Variants in FH observed in about 807,000 individuals in gnomAD.
FH encodes the protein fumarate hydratase, mitochondrial.
A neutral mutation model predicts 49.4 loss-of-function variants in FH; 22 were observed. The observed-to-expected ratio is 0.45, with a 90% CI of 0.32 to 0.64. The LOEUF (loss-of-function observed/expected upper bound fraction) is 0.64. Among genes scored for constraint, FH ranks in the 30% least tolerant of loss-of-function variants. FH has a pLI of 0.05. For missense variants in FH, 526 were observed against 641.5 expected (o/e 0.82, Z 1.95); for synonymous variants, 208 against 223.0 (o/e 0.93, Z 0.60).
intron 6 of FH, among the ~76,000 whole-genome samples, chr1:241,504,632 G>A (rs114103037): frequency 0.016 from 2,486 of 152,140 alleles, 34 homozygotes; most frequent in Non-Finnish European, 0.028. Flanking sequence ...AGTAGAGATG[G>A]GGTTTCGCCA....
At chr1:241,512,451 G>T (rs947036075) in intron 3 of FH, among the ~76,000 whole-genome samples, 1 of 152,132 alleles carries the variant, frequency 6.6e-6, no homozygotes, top group African/African-American at 2.4e-5. Flanking sequence ...TGCTCAGCAG[G>T]AATATCCAAC....
intron 4 of FH, among the ~76,000 whole-genome samples, chr1:241,508,989 G>A (rs1660005693): frequency 6.6e-6 from 1 of 151,200 alleles, no homozygotes; most frequent in African/African-American, 2.4e-5. Context: ...ACTCAGAACT[G>A]TATTATACAC....
At chr1:241,507,665 A>C (rs1297056402) in intron 5 of FH, among the ~76,000 whole-genome samples, 1 of 152,194 alleles carries the variant, frequency 6.6e-6, no homozygotes, top group African/African-American at 2.4e-5. Flanking sequence ...AAAGGTTAAA[A>C]TTAGAAACTT....
chr1:241,505,524 T>C (rs1659905769), intron 6 of FH, among the ~76,000 whole-genome samples: 1 of 152,188 alleles, frequency 6.6e-6, no homozygotes, highest in African/African-American at 2.4e-5. Context: ...AACTTGGCCC[T>C]AATAATAGTT....
At chr1:241,514,876 G>C (rs1660176997) in intron 2 of FH, among the ~76,000 whole-genome samples, 1 of 152,212 alleles carries the variant, frequency 6.6e-6, no homozygotes, top group Non-Finnish European at 1.5e-5. Context: ...AATCTCCACA[G>C]TAACAAACAC....
At chr1:241,501,796 G>C (rs1659787499) in intron 8 of FH, among the ~76,000 whole-genome samples, 2 of 152,182 alleles carry the variant, frequency 1.3e-5, no homozygotes. Flanking sequence ...TGAGGAAACT[G>C]ATGAGAAATG....
chr1:241,517,222 G>A lies in FH; in HGVS notation c.227C>T (p.Thr76Met), dbSNP rs778578307. 4.3e-6 allele frequency: 7 copies of A among 1,613,902 alleles called. No homozygotes were observed. Among genetic ancestry groups the A allele is most frequent in the African/African-American group, 1.3e-5 (1 of 74,852 alleles). The change falls in exon 2 of 10, where the codon ACG becomes ATG. Residue 76 changes from threonine (T) to methionine (M), a missense_variant. Physicochemically the swap from Thr to Met is moderately conservative, Grantham distance 81. Transcript: ENST00000366560. ...KYYGAQTVRS[T>M]MNFKIGGVTE... ...CACACCTCCAATCTTAAAGTTCATC[G>A]TAGATCTCACGGTCTGGGCGCCATA...
chr1:241,507,107 A>G (rs1039750608), intron 5 of FH, among the ~76,000 whole-genome samples: 1 of 152,172 alleles, frequency 6.6e-6, no homozygotes, highest in Non-Finnish European at 1.5e-5. Flanking sequence ...TGTTTCAGCC[A>G]ACGAAAGATC....
chr1:241,507,076 C>G (rs1292458678), intron 5 of FH, among the ~76,000 whole-genome samples: 1 of 152,176 alleles, frequency 6.6e-6, no homozygotes, highest in African/African-American at 2.4e-5. Context: ...CACTCATATA[C>G]AGTCACGCAC....
At chr1:241,519,459 C>T in intron 1 of FH, 132 bp downstream of exon 1, 1 of 1,121,324 alleles carries the variant, frequency 8.9e-7, no homozygotes, top group South Asian at 1.8e-5. Flanking sequence ...CCGGCACGGG[C>T]GCTAAGCCCA....
intron 4 of FH, among the ~76,000 whole-genome samples, chr1:241,509,695 G>A (rs911581187): frequency 2.0e-5 from 3 of 151,838 alleles, no homozygotes; most frequent in Admixed American, 2.0e-4. Flanking sequence ...AGGATCCCTG[G>A]AGCTCAGCAT....
rs1573881563 is a variant in FH, at chr1:241,506,014, G to C, written c.893C>G (p.Ala298Gly). The C allele has an allele frequency of 1.9e-6, 3 of 1,613,906 alleles. No individual in the cohort carries two copies. Among genetic ancestry groups the C allele is most frequent in the Non-Finnish European group, 2.5e-6 (3 of 1,179,872 alleles). Residue 298 changes from alanine to glycine, a missense_variant, in exon 6 of 10, where the codon GCT (alanine) becomes GGT (glycine). This residue lies in a region of FH where 383 missense variants were observed against 514.0 expected (regional missense o/e 0.75). Coordinates refer to ENST00000366560, the MANE Select transcript of FH (RefSeq NM_000143.4). ...ACGTGATCACTAACCTGTAAGTGCA[G>C]CCACTTTTGCAGCAACCTTTTCTGC... ...GFAEKVAAKVAALTGLPFVTA... is the reference protein window; with the variant it reads ...GFAEKVAAKVGALTGLPFVTA...
intron 8 of FH, among the ~76,000 whole-genome samples, chr1:241,502,049 T>C (rs1438660484): frequency 6.6e-6 from 1 of 152,064 alleles, no homozygotes; most frequent in Non-Finnish European, 1.5e-5. Context: ...TGGACTGAGG[T>C]AGTCACCAAT....
intron 6 of FH, among the ~76,000 whole-genome samples, chr1:241,505,707 A>G (rs934990750): frequency 2.0e-5 from 3 of 152,226 alleles, no homozygotes; most frequent in Non-Finnish European, 4.4e-5. Context: ...TTTTCTGCCT[A>G]TTTTGAAAAC....
chr1:241,519,670 G>C lies in FH; in HGVS notation c.53C>G (p.Pro18Arg). The C allele has an allele frequency of 6.5e-7, 1 of 1,547,802 alleles. No homozygotes were observed. The highest frequency in any genetic ancestry group is 8.7e-7 in the Non-Finnish European group (1 of 1,146,344). Residue 18 changes from proline to arginine, a missense_variant, in exon 1 of 10, where the codon CCA becomes CGA. Pro to Arg is a moderately radical substitution (Grantham distance 103). Coordinates refer to ENST00000366560, the MANE Select transcript of FH (RefSeq NM_000143.4). ...GGGAGCCGAAGCTAAGGCTGCGGCT[G>C]GAGCCCGCACGAGGGGACGCGAGCG... ...LARSRPLVRA[P>R]AAALASAPGL...
At chr1:241,499,684 G>C (rs935553215) in intron 9 of FH, among the ~76,000 whole-genome samples, 2 of 152,198 alleles carry the variant, frequency 1.3e-5, no homozygotes, top group African/African-American at 4.8e-5. Flanking sequence ...TTCTATAACA[G>C]AAAGGCAGAA....
chr1:241,511,169 A>C (rs1468055692), intron 4 of FH, among the ~76,000 whole-genome samples: 1 of 152,156 alleles, frequency 6.6e-6, no homozygotes, highest in Non-Finnish European at 1.5e-5. Flanking sequence ...TCATAGGGCA[A>C]AGCTCTCATG....
chr1:241,512,249 T>C (rs990388946), intron 3 of FH, 106 bp from the exon 4 acceptor site: 26 of 930,514 alleles, frequency 2.8e-5, no homozygotes, highest in Non-Finnish European at 4.0e-5. Context: ...TTCTGAAGCA[T>C]CACTTGCTCC....
intron 2 of FH, 108 bp downstream of exon 2, chr1:241,517,074 T>C (rs893618118): frequency 3.6e-6 from 5 of 1,395,742 alleles, no homozygotes; most frequent in Non-Finnish European, 5.0e-6. Context: ...AGCCATCTTT[T>C]CTAATAACTT....
Sources: gnomAD v4.1 joint callset for allele counts (sites outside exome capture counted in the v4.1 genomes callset) on GRCh38, gnomAD v4.1.1 for gene constraint, gnomAD v4.1.1 regional missense constraint, MANE v1.5 for transcripts, NCBI Gene and HGNC (gene_info 2026-07-23, HGNC 2026-07-21) for gene names.